The following SCUBE2 variants were observed in gnomAD, a reference collection of about 807,000 sequenced individuals.
The protein encoded by SCUBE2 is signal peptide, CUB and EGF-like domain-containing protein 2.
In SCUBE2, 114 loss-of-function variants were observed where a neutral mutation model predicts 125.9. That is an observed-to-expected ratio of 0.91 (90% confidence interval 0.78 to 1.06). The LOEUF (loss-of-function observed/expected upper bound fraction) is 1.06. Ranked by LOEUF, SCUBE2 falls within the 50% of genes least tolerant of loss-of-function variation. SCUBE2 has a pLI of 0.00. For synonymous variants in SCUBE2, 459 were observed against 492.9 expected, an observed-to-expected ratio of 0.93 and a Z score of 0.91; for missense variants, 1,255 against 1,301.8, an observed-to-expected ratio of 0.96 and a Z score of 0.55.
intron 19 of SCUBE2, among the ~76,000 whole-genome samples, chr11:9,029,029 GC>G (rs1028700918): frequency 2.6e-5 from 4 of 151,594 alleles, no homozygotes; most frequent in Non-Finnish European, 4.4e-5. Flanking sequence ...ATGATGTACT[GC>G]CCCCCTCAGT....
In SCUBE2 at chr11:9,066,727, T is replaced by A; in HGVS notation, c.730A>T (p.Lys244Ter). 1 of 1,614,166 alleles carries A rather than the reference T, an allele frequency of 6.2e-7. No homozygotes were observed. Among genetic ancestry groups the A allele is most frequent in the Non-Finnish European group, 8.5e-7 (1 of 1,180,012 alleles). Residue 244 changes from lysine to a stop codon, truncating the protein, a stop_gained, in exon 6 of 23, where the codon AAG becomes TAG. Transcript: ENST00000649792. LOFTEE classifies it high-confidence loss of function. ...GPECSCHPQY[K>*]MHTDGRSCLE... ...CAGCTCCTCCCATCTGTGTGCATCTTGTACTGTGGATGGCAGCTGCACTCT... is the reference window on the plus strand; with the variant it reads ...CAGCTCCTCCCATCTGTGTGCATCTAGTACTGTGGATGGCAGCTGCACTCT...
intron 5 of SCUBE2, among the ~76,000 whole-genome samples, chr11:9,067,450 G>C (rs1057068743): frequency 3.9e-5 from 6 of 152,236 alleles, no homozygotes; most frequent in African/African-American, 1.4e-4. Context: ...AGGGAAACGG[G>C]AGGCGGGAAA....
rs114528230 is a variant in SCUBE2 at position 9,026,912 on chromosome 11, C to A, written c.2701+452G>T. On this transcript the variant is annotated intron_variant, in intron 20 of 22. Transcript: ENST00000649792. ...CCAGGCAGTCTGGCTGCAGAGAGCC[C>A]CTCATTACACTGCCCATAAGCTGTG... The A allele has an allele frequency of 8.6e-3, 1,409 of 163,694 alleles. 13 individuals are homozygous for A. The highest frequency in any genetic ancestry group is 0.026 in the African/African-American group (1,097 of 41,796). The allele number at this position is 163,694 out of a possible 1,614,324, so 10.1% of individuals were successfully genotyped here.
chr11:9,031,039 C>T (rs1007543396), intron 17 of SCUBE2, 114 bp from the exon 18 acceptor site: 6 of 922,510 alleles, frequency 6.5e-6, no homozygotes, highest in Non-Finnish European at 9.6e-6. Flanking sequence ...ACCGCAGTTC[C>T]CACCTCAGTC....
intron 7 of SCUBE2, among the ~76,000 whole-genome samples, chr11:9,061,571 GA>G (rs11301303): frequency 0.27 from 27,135 of 101,076 alleles, 2,577 homozygotes; most frequent in South Asian, 0.44. Context: ...GAAAAGAAAA[GA>G]AAAAAAAAAA....
chr11:9,083,619 A>T (rs1861826258), intron 2 of SCUBE2, among the ~76,000 whole-genome samples: 1 of 150,620 alleles, frequency 6.6e-6, no homozygotes, highest in Non-Finnish European at 1.5e-5. Flanking sequence ...CAGTGGCACG[A>T]TCTTGGCTCA....
In SCUBE2 at chr11:9,021,890, G is replaced by C. The variant is rs1251145923; in HGVS notation, c.2920C>G (p.Gln974Glu). The C allele has an allele frequency of 6.2e-7, 1 of 1,613,336 alleles. No individual in the cohort carries two copies. Among genetic ancestry groups the C allele is most frequent in the African/African-American group, 1.3e-5 (1 of 75,018 alleles). Residue 974 changes from glutamine (Q) to glutamate (E), a missense_variant, in exon 22 of 23, where the codon CAG becomes GAG. By Grantham distance (29) the Gln-to-Glu change is conservative. This residue lies in a region of SCUBE2 where 515 missense variants were observed against 515.7 expected (regional missense o/e 1.00). Coordinates refer to ENST00000649792, the MANE Select transcript of SCUBE2 (RefSeq NM_001367977.2). The part of the protein sequence containing the change: ...DGRLYASENH[Q>E]EILKDKKLIK... ...CAGGCACTCACCTTAAGTATTTCCTGATGGTTCTCAGATGCATAGAGCCTG... is the reference window on the plus strand; with the variant it reads ...CAGGCACTCACCTTAAGTATTTCCTCATGGTTCTCAGATGCATAGAGCCTG...
intron 16 of SCUBE2, among the ~76,000 whole-genome samples, chr11:9,038,723 T>A (rs1392905091): frequency 3.3e-5 from 5 of 151,944 alleles, no homozygotes; most frequent in African/African-American, 9.7e-5. Flanking sequence ...GAACACAGCA[T>A]AAGGGGGTAG....
intron 16 of SCUBE2, among the ~76,000 whole-genome samples, chr11:9,038,877 TTTC>T (rs1388291403): frequency 7.6e-6 from 1 of 130,902 alleles, no homozygotes; most frequent in African/African-American, 3.0e-5. Flanking sequence ...ATGTTTTTCT[TTTC>T]TTTTCTTTTC....
Position 9,060,526 on chromosome 11 carries a change from T to C in SCUBE2, c.851-2A>G. 1 of 1,612,630 alleles carries C rather than the reference T, an allele frequency of 6.2e-7. No homozygotes were observed. Among genetic ancestry groups the C allele is most frequent in the Non-Finnish European group, 8.5e-7 (1 of 1,179,058 alleles). On this transcript the variant is annotated splice_acceptor_variant, in intron 7 of 22. Transcript: ENST00000649792. LOFTEE classifies it high-confidence loss of function. ...CTCCATTGTTGACAGCACACGTTTC[T>C]GGCAAGGAGGTAAGAAAAGACAATT...
At position 9,047,406 on chromosome 11, in the gene SCUBE2, C is replaced by G. The variant is rs759332840; in HGVS notation, c.1952G>C (p.Arg651Pro). 14 of 1,614,028 alleles carry G rather than the reference C, an allele frequency of 8.7e-6. No individual in the cohort carries two copies. The highest frequency in any genetic ancestry group is 1.2e-5 in the Non-Finnish European group (14 of 1,180,032). ...GCCCACTCCACAGGACTCTGCCTGG[C>G]GTTCAGATGTTCTGGGAGGCTTTTT... ...VAKKPPRTSE[R>P]QAESCGVGQG... Residue 651 changes from arginine to proline, a missense_variant, in exon 16 of 23, where the codon CGC becomes CCC. Coordinates refer to ENST00000649792, the MANE Select transcript of SCUBE2 (RefSeq NM_001367977.2).
At chr11:9,089,958 T>A in intron 1 of SCUBE2, 129 bp from the exon 2 acceptor site, 1 of 1,242,490 alleles carries the variant, frequency 8.0e-7, no homozygotes, top group Non-Finnish European at 1.1e-6. Context: ...CTGCTTGGGA[T>A]CCCTGGGATA....
intron 16 of SCUBE2, among the ~76,000 whole-genome samples, chr11:9,036,597 T>C (rs1367081790): frequency 6.6e-6 from 1 of 152,224 alleles, no homozygotes; most frequent in African/African-American, 2.4e-5. Flanking sequence ...AGTGCCGATA[T>C]GGTGACAATG....
rs372726958 is a variant in SCUBE2 at position 9,075,040 on chromosome 11, A to G, written c.383-425T>C. ...AGACCAGCCTGGCCAACATGGTGAAACCCCGTCTCTATTAAAAACACAAAA... is the reference window on the plus strand; with the variant it reads ...AGACCAGCCTGGCCAACATGGTGAAGCCCCGTCTCTATTAAAAACACAAAA... On this transcript the variant is annotated intron_variant, in intron 3 of 22. Coordinates refer to ENST00000649792, the MANE Select transcript of SCUBE2 (RefSeq NM_001367977.2). 2.4e-4 allele frequency among the ~76,000 whole-genome samples: 36 copies of G among 152,014 alleles called. 1 individual carries two copies. In the South Asian group the frequency reaches 7.3e-3, roughly 31 times the overall value.
rs1860543971 is a variant in SCUBE2, at chr11:9,069,244, CCCG to C, written c.643+123_643+125del. 9.9e-6 allele frequency: 12 copies of C among 1,209,752 alleles called. No homozygotes were observed. In the South Asian group the frequency reaches 1.7e-4, roughly 17 times the overall value. 74.9% of individuals were successfully genotyped at this position (1,209,752 alleles called of 1,614,324 possible). A position where few individuals can be genotyped will look rare whatever the true frequency, so the allele number is the denominator to read the frequency against. On this transcript the variant is annotated intron_variant, in intron 5 of 22. Transcript: ENST00000649792. Reference sequence around the variant, plus strand: ...ACAAGTACTTGGTAGAGGTCGGTATCCCGTGCTAACTGCCTTCCCTGCTGCTGC... The same window carrying C: ...ACAAGTACTTGGTAGAGGTCGGTATCTGCTAACTGCCTTCCCTGCTGCTGC...
At chr11:9,052,990 G>A (rs1858577351) in intron 12 of SCUBE2, 109 bp downstream of exon 12, 3 of 1,089,960 alleles carry the variant, frequency 2.8e-6, no homozygotes, top group Admixed American at 2.1e-5. Context: ...ACGGTGGTCG[G>A]GGCATCTGGC....
chr11:9,033,851 G>T, intron 16 of SCUBE2, 55 bp from the exon 17 acceptor site: 1 of 1,580,878 alleles, frequency 6.3e-7, no homozygotes, highest in Non-Finnish European at 8.7e-7. Flanking sequence ...AAGGAAGGAT[G>T]ATGTGAGTTC....
At chr11:9,025,591 C>T (rs1855651178) in intron 21 of SCUBE2, 111 bp downstream of exon 21, 1 of 1,362,656 alleles carries the variant, frequency 7.3e-7, no homozygotes, top group Non-Finnish European at 1.0e-6. Context: ...TTCCCCTCAT[C>T]TTGCCTGCCT....
Position 9,019,868 on chromosome 11 carries a change from G to A in SCUBE2, c.*1177C>T, listed in dbSNP as rs1050530545. Among the ~76,000 whole-genome samples, 2 of 152,094 alleles carry A rather than the reference G, an allele frequency of 1.3e-5. No homozygotes were observed. Among genetic ancestry groups the A allele is most frequent in the Non-Finnish European group, 2.9e-5 (2 of 68,022 alleles). On this transcript the variant is annotated 3_prime_UTR_variant, in exon 23 of 23. Transcript: ENST00000649792. ...TCACTGTAATGAGATTTTTGCTTGG[G>A]GATTTAAATGTTTAAAGATTCAATA...
Sources: allele counts gnomAD v4.1 joint callset (sites outside exome capture counted in the v4.1 genomes callset), GRCh38; gene constraint gnomAD v4.1.1; regional missense constraint gnomAD v4.1.1; transcripts MANE v1.5; gene names NCBI Gene and HGNC (gene_info 2026-07-23, HGNC 2026-07-21).